Variants in COA8 observed in about 807,000 individuals in gnomAD.
COA8 encodes cytochrome c oxidase assembly factor 8.
In COA8, 20 loss-of-function variants were observed where a neutral mutation model predicts 22.0. The observed-to-expected ratio is 0.91, with a 90% confidence interval of 0.64 to 1.32. The LOEUF (loss-of-function observed/expected upper bound fraction) is 1.32, where lower values mean the gene tolerates loss of function less well. Among genes scored for constraint, COA8 ranks in the 40% most tolerant of loss-of-function variants. The probability of loss-of-function intolerance (pLI) is 0.00; values close to 1 mark genes in which losing one functional copy is unlikely to be tolerated. For missense variants in COA8, 266 were observed against 230.0 expected (o/e 1.16, Z -1.01); for synonymous variants, 105 against 79.9 (o/e 1.31, Z -1.68).
In COA8 at chr14:103,563,348, G is replaced by GCCAGAACCTTTAAGCGTAACAGAGT. The variant is rs574313385; in HGVS notation, c.123+226_123+250dup. ...GCCACCACGCCGGGGACTGTTGACA[G>GCCAGAACCTTTAAGCGTAACAGAGT]CCAGAACCTTTAAGCGTAACAGAGT... On this transcript the variant is annotated intron_variant, in intron 1 of 4. Coordinates refer to ENST00000409074, the MANE Select transcript of COA8 (RefSeq NM_001370595.2). The GCCAGAACCTTTAAGCGTAACAGAGT allele has an allele frequency of 2.0e-4, 138 of 706,736 alleles. No individual in the cohort carries two copies. The African/African-American group carries it at 2.2e-3, about 12-fold the overall frequency. The allele number at this position is 706,736 out of a possible 1,614,324, so 43.8% of individuals were successfully genotyped here. A position where few individuals can be genotyped will look rare whatever the true frequency, so the allele number is the denominator to read the frequency against.
chr14:103,570,190 T>C (rs1382267092), intron 1 of COA8, among the ~76,000 whole-genome samples: 1 of 152,048 alleles, frequency 6.6e-6, no homozygotes, highest in African/African-American at 2.4e-5. Flanking sequence ...AATGGGATAT[T>C]TGGTGATTGT....
At chr14:103,563,248 C>T (rs1316300017) in intron 1 of COA8, 124 bp downstream of exon 1, 1 of 1,334,532 alleles carries the variant, frequency 7.5e-7, no homozygotes, top group South Asian at 1.3e-5. Context: ...GCTCTCGCGT[C>T]CTATCCCGAA....
In COA8 at chr14:103,590,318, T is replaced by C. The variant is rs778426712; in HGVS notation, c.*32T>C. 6.3e-7 allele frequency: 1 copy of C among 1,580,786 alleles called. No homozygotes were observed. The highest frequency in any genetic ancestry group is 1.7e-5 in the Admixed American group (1 of 57,854). The stretch of plus-strand genomic sequence containing the variant: ...ACTCTGACCCAGCCAGAGTCCAGGT[T>C]TCCACAGGAAGCAGATGGAGCTCCT... On this transcript the variant is annotated 3_prime_UTR_variant, in exon 5 of 5. Transcript: ENST00000409074.
At chr14:103,589,432 T>C (rs1157498091) in intron 4 of COA8, among the ~76,000 whole-genome samples, 1 of 152,154 alleles carries the variant, frequency 6.6e-6, no homozygotes, top group Non-Finnish European at 1.5e-5. Context: ...CCTAAAATGC[T>C]GCCAGCTCGG....
In COA8 at chr14:103,562,968, G is replaced by A. The variant is rs2076095937; in HGVS notation, c.-34G>A. 3 of 1,510,368 alleles carry A rather than the reference G, an allele frequency of 2.0e-6. No homozygotes were observed. The highest frequency in any genetic ancestry group is 2.6e-6 in the Non-Finnish European group (3 of 1,134,960). 93.6% of individuals were successfully genotyped at this position (1,510,368 alleles called of 1,614,324 possible). A position where few individuals can be genotyped will look rare whatever the true frequency, so the allele number is the denominator to read the frequency against. On this transcript the variant is annotated 5_prime_UTR_variant, in exon 1 of 5. Transcript: ENST00000409074. ...CGGCCCCTCGCGCCGTCGCAATGCTGCCGTGCGCCGCGGGAGCCAGGGGGC... is the reference window on the plus strand; with the variant it reads ...CGGCCCCTCGCGCCGTCGCAATGCTACCGTGCGCCGCGGGAGCCAGGGGGC...
In COA8 at chr14:103,581,362, G is replaced by A. The variant is rs796995613; in HGVS notation, c.386-5912G>A. ...TCAGACACAAGCACTGCTGTACGACGACAGTGGATCTGATCACCGAGACGG... is the reference window on the plus strand; with the variant it reads ...TCAGACACAAGCACTGCTGTACGACAACAGTGGATCTGATCACCGAGACGG... On this transcript the variant is annotated intron_variant, in intron 3 of 4. Transcript: ENST00000409074. The surrounding 1 kb of genome is among the most constrained non-coding windows in gnomAD (Gnocchi z 4.1). Among the ~76,000 whole-genome samples, 37 of 152,126 alleles carry A rather than the reference G, an allele frequency of 2.4e-4. No homozygotes were observed. Among genetic ancestry groups the A allele is most frequent in the African/African-American group, 8.4e-4 (35 of 41,512 alleles).
At position 103,590,165 on chromosome 14, in the gene COA8, C is replaced by T; in HGVS notation, c.477-16C>T. The T allele has an allele frequency of 6.2e-7, 1 of 1,611,142 alleles. No homozygotes were observed. Among genetic ancestry groups the T allele is most frequent in the Non-Finnish European group, 8.5e-7 (1 of 1,177,538 alleles). ...CCTGCCACCGTGTCACCTGTGCATCCTCTGTTTCTCTACAGAGATTGGTAC... is the reference window on the plus strand; with the variant it reads ...CCTGCCACCGTGTCACCTGTGCATCTTCTGTTTCTCTACAGAGATTGGTAC... On this transcript the variant is annotated splice_polypyrimidine_tract_variant and intron_variant, in intron 4 of 4. Coordinates refer to ENST00000409074, the MANE Select transcript of COA8 (RefSeq NM_001370595.2).
intron 4 of COA8, among the ~76,000 whole-genome samples, chr14:103,588,697 A>G (rs1207420130): frequency 1.3e-5 from 2 of 151,890 alleles, no homozygotes; most frequent in African/African-American, 4.8e-5. Context: ...TACAAAAATT[A>G]GCTTGGTGTG....
At chr14:103,577,180 C>T (rs2076235783) in intron 3 of COA8, among the ~76,000 whole-genome samples, 1 of 152,088 alleles carries the variant, frequency 6.6e-6, no homozygotes, top group South Asian at 2.1e-4. Context: ...AGCAATTCTC[C>T]TGTCTCAGCC....
At chr14:103,571,532 G>C in intron 1 of COA8, 91 bp from the exon 2 acceptor site, 1 of 1,312,532 alleles carries the variant, frequency 7.6e-7, no homozygotes, top group South Asian at 1.3e-5. Flanking sequence ...GCGAGACTCC[G>C]TCTCTAAGTA....
At chr14:103,569,715 C>G (rs2076167423) in intron 1 of COA8, among the ~76,000 whole-genome samples, 1 of 152,188 alleles carries the variant, frequency 6.6e-6, no homozygotes, top group Non-Finnish European at 1.5e-5. Context: ...TGGGACTCAC[C>G]TTAGTTTCTA....
rs889750621 is a variant in COA8, at chr14:103,581,080, G to A, written c.386-6194G>A. Among the ~76,000 whole-genome samples the A allele has an allele frequency of 1.3e-5, 2 of 152,110 alleles. No homozygotes were observed. The highest frequency in any genetic ancestry group is 1.9e-4 in the East Asian group (1 of 5,194). On this transcript the variant is annotated intron_variant, in intron 3 of 4. Coordinates refer to ENST00000409074, the MANE Select transcript of COA8 (RefSeq NM_001370595.2). This position sits in a 1 kb window ranked among gnomAD's most constrained non-coding sequence, Gnocchi z 4.1. Reference sequence around the variant, plus strand: ...CTCCCAAAGTCCTGGGATTACAGGCGTGAGCCACCGCGCCCAGCCTGTTAC... The same window carrying A: ...CTCCCAAAGTCCTGGGATTACAGGCATGAGCCACCGCGCCCAGCCTGTTAC...
intron 3 of COA8, among the ~76,000 whole-genome samples, chr14:103,583,990 C>G (rs963641736): frequency 6.6e-6 from 1 of 152,208 alleles, no homozygotes; most frequent in African/African-American, 2.4e-5. Context: ...TGGGGGCATG[C>G]GGAGCCCCTG....
chr14:103,583,312 G>GGC (rs1438196734), intron 3 of COA8, among the ~76,000 whole-genome samples: 2 of 152,006 alleles, frequency 1.3e-5, no homozygotes, highest in African/African-American at 2.4e-5. Context: ...GGCCAAGGTG[G>GGC]GCGGATCACT....
intron 2 of COA8, among the ~76,000 whole-genome samples, chr14:103,573,473 A>T (rs901864834): frequency 6.6e-6 from 1 of 151,874 alleles, no homozygotes; most frequent in Non-Finnish European, 1.5e-5. Flanking sequence ...GCCCGGCAAC[A>T]TTTAAACTTT....
intron 1 of COA8, chr14:103,567,630 C>T (rs1406125337): frequency 6.5e-6 from 1 of 152,700 alleles, no homozygotes; most frequent in Non-Finnish European, 1.5e-5. Context: ...AAGCAGTCCA[C>T]CTACCTCGGC....
rs1418441578 is a variant in COA8 at position 103,587,380 on chromosome 14, T to C, written c.476+16T>C. 1 of 1,579,428 alleles carries C rather than the reference T, an allele frequency of 6.3e-7. No homozygotes were observed. Among genetic ancestry groups the C allele is most frequent in the Non-Finnish European group, 8.7e-7 (1 of 1,154,068 alleles). ...ATTATAACAGGTAGGTGTTTACTCT[T>C]TTCCTGAAAATTTGAATAGCACATC... is the stretch of plus-strand genomic sequence containing the variant. On this transcript the variant is annotated intron_variant, in intron 4 of 4. Coordinates refer to ENST00000409074, the MANE Select transcript of COA8 (RefSeq NM_001370595.2).
chr14:103,570,963 A>G (rs2076179609), intron 1 of COA8, among the ~76,000 whole-genome samples: 1 of 152,176 alleles, frequency 6.6e-6, no homozygotes, highest in Admixed American at 6.5e-5. Context: ...CGGGTCCAGG[A>G]GGAGCCATCA....
intron 4 of COA8, among the ~76,000 whole-genome samples, chr14:103,587,565 TG>T (rs2076318472): frequency 6.7e-6 from 1 of 150,196 alleles, no homozygotes; most frequent in Non-Finnish European, 1.5e-5. Flanking sequence ...TGGAGTGCAG[TG>T]GCGCCATCTT....
Sources: allele counts gnomAD v4.1 joint callset (sites outside exome capture counted in the v4.1 genomes callset), GRCh38; gene constraint gnomAD v4.1.1; non-coding constraint Gnocchi (gnomAD v3.1); transcripts MANE v1.5; gene names NCBI Gene and HGNC (gene_info 2026-07-23, HGNC 2026-07-21).